Variants in LIN52 observed in about 807,000 individuals in gnomAD.
LIN52 encodes protein lin-52 homolog.
Under a neutral mutation model 18.5 loss-of-function variants are expected in LIN52, and 4 were observed. The ratio of observed to expected loss-of-function variants is 0.22; its 90% CI spans 0.11 to 0.49. The LOEUF is 0.49. Among genes scored for constraint, LIN52 ranks in the 20% least tolerant of loss-of-function variants. LIN52 has a pLI of 0.97. For synonymous variants in LIN52, 34 were observed against 45.5 expected (o/e 0.75, Z 1.02); for missense variants, 102 against 139.5 (o/e 0.73, Z 1.35).
rs147091234 is a variant in LIN52 at position 74,152,839 on chromosome 14, A to G, written c.284-46083A>G. Among the ~76,000 whole-genome samples the G allele has an allele frequency of 6.2e-3, 949 of 152,046 alleles. 13 individuals are homozygous for G. The highest frequency in any genetic ancestry group is 0.022 in the African/African-American group (913 of 41,456). ...GCTGGGCGTGGTGGCACATGCCTGT[A>G]ATCCCAGCTACTCAGGTGGCTGAGG... On this transcript the variant is annotated intron_variant, in intron 5 of 5. Coordinates refer to ENST00000555028, the MANE Select transcript of LIN52 (RefSeq NM_001024674.3).
In LIN52 at chr14:74,090,069, A is replaced by T. The variant is rs1308086076; in HGVS notation, c.20-1163A>T. On this transcript the variant is annotated intron_variant, in intron 1 of 5. Transcript: ENST00000555028. Reference sequence around the variant, plus strand: ...AGTCTTGCTTTGTTGCCCAGGCTGGAGTGCAGTGGTGTGATCTTGGCTCAC... The same window carrying T: ...AGTCTTGCTTTGTTGCCCAGGCTGGTGTGCAGTGGTGTGATCTTGGCTCAC... Among the ~76,000 whole-genome samples the T allele has an allele frequency of 3.7e-5, 5 of 135,406 alleles. No homozygotes were observed. In the East Asian group the frequency reaches 1.1e-3, roughly 29 times the overall value. The allele number at this position is 135,406 out of a possible 152,430, so 88.8% of individuals were successfully genotyped here.
chr14:74,150,817 T>C (rs970430513), intron 5 of LIN52, among the ~76,000 whole-genome samples: 4 of 152,120 alleles, frequency 2.6e-5, no homozygotes, highest in Non-Finnish European at 5.9e-5. Flanking sequence ...AAAAGGATAT[T>C]GAGCATCAGT....
chr14:74,130,284 T>TTTTTTTTTTTTTTTTTTTTTTTTTTTTG (rs1566856553), intron 5 of LIN52, among the ~76,000 whole-genome samples: 2 of 127,948 alleles, frequency 1.6e-5, no homozygotes, highest in African/African-American at 6.2e-5. Flanking sequence ...TTTGGTTTTT[T>TTTTTTTTTTTTTTTTTTTTTTTTTTTTG]TTTTTTTTTT....
intron 1 of LIN52, 79 bp from the exon 2 acceptor site, chr14:74,091,153 T>G: frequency 9.9e-7 from 1 of 1,014,618 alleles, no homozygotes; most frequent in Non-Finnish European, 1.5e-6. Flanking sequence ...GTGTTCCAGT[T>G]TATGTCCTTT....
intron 5 of LIN52, among the ~76,000 whole-genome samples, chr14:74,196,517 A>G (rs2078913093): frequency 1.3e-5 from 2 of 152,146 alleles, no homozygotes; most frequent in South Asian, 4.1e-4. Context: ...GCTTCTAGCC[A>G]TGTTGCAGGA....
chr14:74,171,736 C>CT (rs534860812), intron 5 of LIN52, among the ~76,000 whole-genome samples: 12,730 of 121,596 alleles, frequency 0.1, 1,469 homozygotes, highest in African/African-American at 0.21. Flanking sequence ...TATTTTAATT[C>CT]TTTTTTTTTT....
chr14:74,134,438 A>G (rs1035683268), intron 5 of LIN52, among the ~76,000 whole-genome samples: 6 of 152,078 alleles, frequency 3.9e-5, no homozygotes, highest in African/African-American at 1.4e-4. Context: ...TTTGAGATCA[A>G]ATGACCTCCT....
At chr14:74,131,158 A>G (rs1419719185) in intron 5 of LIN52, among the ~76,000 whole-genome samples, 1 of 147,242 alleles carries the variant, frequency 6.8e-6, no homozygotes, top group Non-Finnish European at 1.5e-5. Flanking sequence ...GCAACAAATA[A>G]CCAGCCCAAA....
chr14:74,152,265 A>AC (rs927119877), intron 5 of LIN52, among the ~76,000 whole-genome samples: 3 of 150,918 alleles, frequency 2.0e-5, no homozygotes, highest in Non-Finnish European at 4.4e-5. Flanking sequence ...TCCATCTCAA[A>AC]AAAAAAAAAA....
Sources: gnomAD v4.1 joint callset for allele counts (sites outside exome capture counted in the v4.1 genomes callset) on GRCh38, gnomAD v4.1.1 for gene constraint, MANE v1.5 for transcripts, NCBI Gene and HGNC (gene_info 2026-07-23, HGNC 2026-07-21) for gene names.